The following BCKDHB variants were observed in gnomAD, a reference collection of about 807,000 sequenced individuals.
BCKDHB encodes the protein 2-oxoisovalerate dehydrogenase subunit beta, mitochondrial.
Under a neutral mutation model 48.5 loss-of-function variants are expected in BCKDHB, and 41 were observed. That is an observed-to-expected ratio of 0.85 (90% CI 0.66 to 1.10). The LOEUF (loss-of-function observed/expected upper bound fraction) is 1.10. Ranked by LOEUF, BCKDHB falls within the 50% of genes least tolerant of loss-of-function variation. The probability of loss-of-function intolerance (pLI) is 0.00; values close to 1 mark genes in which losing one functional copy is unlikely to be tolerated. For synonymous variants in BCKDHB, 201 were observed against 174.8 expected, an observed-to-expected ratio of 1.15 and a Z score of -1.18; for missense variants, 496 against 494.2, an observed-to-expected ratio of 1.00 and a Z score of -0.03.
chr6:80,413,198 A>AAGAT, the BCKDHB span, among the ~76,000 whole-genome samples: 1 of 152,146 alleles, frequency 6.6e-6, no homozygotes, highest in East Asian at 1.9e-4. Flanking sequence ...CCTTTTTAAA[A>AAGAT]AGATAGTATA....
At chr6:80,312,259 T>C (rs763056649) in intron 9 of BCKDHB, among the ~76,000 whole-genome samples, 1 of 152,188 alleles carries the variant, frequency 6.6e-6, no homozygotes, top group African/African-American at 2.4e-5. Flanking sequence ...ATGCTAGTAA[T>C]TTTTGGGCAT....
chr6:80,135,756 A>G (rs1168400969), intron 3 of BCKDHB: 3 of 152,170 alleles, frequency 2.0e-5, no homozygotes, highest in Non-Finnish European at 4.4e-5. Context: ...TGCAATTATT[A>G]CCACCATCCA....
chr6:80,382,462 A>G, the BCKDHB span, among the ~76,000 whole-genome samples: 1 of 152,176 alleles, frequency 6.6e-6, no homozygotes, highest in African/African-American at 2.4e-5. Flanking sequence ...CATAAATTTT[A>G]CTGAAAACCC....
chr6:80,124,696 G>A (rs191478370), intron 1 of BCKDHB, among the ~76,000 whole-genome samples: 4 of 152,166 alleles, frequency 2.6e-5, no homozygotes, highest in East Asian at 1.9e-4. Context: ...ATACATCTCC[G>A]TCAGAGCGCT....
At chr6:80,286,861 A>G (rs1382863281) in intron 9 of BCKDHB, among the ~76,000 whole-genome samples, 1 of 152,084 alleles carries the variant, frequency 6.6e-6, no homozygotes. Flanking sequence ...TCTTTTTATG[A>G]CATATACAAG....
the BCKDHB span, among the ~76,000 whole-genome samples, chr6:80,380,474 A>C: frequency 6.6e-6 from 1 of 152,074 alleles, no homozygotes; most frequent in East Asian, 1.9e-4. Context: ...ACTAGAAACT[A>C]TAAAAATTCT....
intron 6 of BCKDHB, among the ~76,000 whole-genome samples, chr6:80,175,761 G>T (rs182914490): frequency 2.1e-4 from 32 of 152,238 alleles, no homozygotes; most frequent in Non-Finnish European, 1.0e-4. Context: ...GGGTTTGATT[G>T]GAGACCAAAA....
intron 8 of BCKDHB, among the ~76,000 whole-genome samples, chr6:80,260,797 G>A (rs1001439192): frequency 1.5e-4 from 23 of 152,110 alleles, no homozygotes; most frequent in African/African-American, 2.7e-4. Context: ...TGGGAAGGCC[G>A]GAATGGAAGT....
chr6:80,185,713 G>A (rs1490932145), intron 6 of BCKDHB, among the ~76,000 whole-genome samples: 1 of 152,172 alleles, frequency 6.6e-6, no homozygotes. Flanking sequence ...GCCACTCAGC[G>A]GGGCTGCTGG....
chr6:80,308,555 A>G (rs1050458240), intron 9 of BCKDHB, among the ~76,000 whole-genome samples: 14 of 151,464 alleles, frequency 9.2e-5, no homozygotes, highest in Middle Eastern at 6.8e-3. Flanking sequence ...TTAAATGGGG[A>G]AAAAAAACCC....
At chr6:80,240,366 A>T (rs945520519) in intron 8 of BCKDHB, among the ~76,000 whole-genome samples, 1 of 152,106 alleles carries the variant, frequency 6.6e-6, no homozygotes, top group Non-Finnish European at 1.5e-5. Flanking sequence ...CTCCTCTTCA[A>T]GGAGAATACA....
At chr6:80,234,323 T>C (rs1269770512) in intron 8 of BCKDHB, among the ~76,000 whole-genome samples, 1 of 152,144 alleles carries the variant, frequency 6.6e-6, no homozygotes, top group African/African-American at 2.4e-5. Context: ...TGCGACTATT[T>C]AGTTTAGAAC....
intron 8 of BCKDHB, among the ~76,000 whole-genome samples, chr6:80,267,353 C>G (rs1261464002): frequency 2.0e-5 from 3 of 152,004 alleles, no homozygotes; most frequent in Non-Finnish European, 4.4e-5. Context: ...ATTGTCAGCT[C>G]CCTGAAATTC....
At chr6:80,183,587 A>G (rs1467689558) in intron 6 of BCKDHB, among the ~76,000 whole-genome samples, 1 of 152,136 alleles carries the variant, frequency 6.6e-6, no homozygotes, top group Non-Finnish European at 1.5e-5. Context: ...TTGATGACCT[A>G]TGTTAACACA....
At chr6:80,115,237 T>C (rs1292365635) in intron 1 of BCKDHB, among the ~76,000 whole-genome samples, 1 of 152,050 alleles carries the variant, frequency 6.6e-6, no homozygotes, top group Non-Finnish European at 1.5e-5. Context: ...CCCTGAACTC[T>C]CCTGGGCTCA....
chr6:80,240,523 C>T (rs964992479), intron 8 of BCKDHB, among the ~76,000 whole-genome samples: 14 of 152,208 alleles, frequency 9.2e-5, no homozygotes, highest in African/African-American at 3.1e-4. Context: ...ATTTTTGTAT[C>T]GGACTTTACT....
chr6:80,430,293 T>C, the BCKDHB span, among the ~76,000 whole-genome samples: 134,669 of 152,202 alleles, frequency 0.88, 59,923 homozygotes, highest in East Asian at 0.95. Context: ...ATTTCTGCGT[T>C]GATGTTCATT....
chr6:80,452,146 T>C, the BCKDHB span, among the ~76,000 whole-genome samples: 94 of 152,302 alleles, frequency 6.2e-4, no homozygotes, highest in African/African-American at 2.2e-3. Context: ...AGAGGTGGAA[T>C]ATGATGATGT....
chr6:80,235,837 C>T (rs1265695548), intron 8 of BCKDHB, among the ~76,000 whole-genome samples: 1 of 152,256 alleles, frequency 6.6e-6, no homozygotes. Context: ...GGTCAGTCAG[C>T]TTGACTGAGC....
Sources: allele counts gnomAD v4.1 joint callset (sites outside exome capture counted in the v4.1 genomes callset), GRCh38; gene constraint gnomAD v4.1.1; transcripts MANE v1.5; gene names NCBI Gene and HGNC (gene_info 2026-07-23, HGNC 2026-07-21).